The following ATP8B4 variants were observed in gnomAD, a reference collection of about 807,000 sequenced individuals.
ATP8B4 encodes the protein ATPase phospholipid transporting 8B4 (putative).
ATP8B4 carries 133 observed loss-of-function variants against 145.6 expected under a neutral mutation model. That is an observed-to-expected ratio of 0.91 (90% CI 0.79 to 1.05). ATP8B4 has a LOEUF of 1.05. ATP8B4 is among the 50% of genes least tolerant of loss of function. The probability of loss-of-function intolerance (pLI) is 0.00; values close to 1 mark genes in which losing one functional copy is unlikely to be tolerated. For missense variants in ATP8B4, 1,458 were observed against 1,425.2 expected (o/e 1.02, Z -0.37); for synonymous variants, 507 against 492.9 (o/e 1.03, Z -0.38).
chr15:49,937,462 G>C (rs1418257153), intron 14 of ATP8B4, among the ~76,000 whole-genome samples: 3 of 152,154 alleles, frequency 2.0e-5, no homozygotes, highest in Admixed American at 6.6e-5. Flanking sequence ...GCCAGGACTA[G>C]GTAAGACAAG....
chr15:50,175,890 C>T (rs9745136), intron 1 of ATP8B4, among the ~76,000 whole-genome samples: 34,794 of 151,998 alleles, frequency 0.23, 4,531 homozygotes, highest in East Asian at 0.47. Flanking sequence ...AAAAAAGATA[C>T]TTGCACACGC....
chr15:50,130,247 T>A (rs908977062), intron 1 of ATP8B4, among the ~76,000 whole-genome samples: 5 of 152,188 alleles, frequency 3.3e-5, no homozygotes, highest in African/African-American at 1.2e-4. Flanking sequence ...TGGGCTCCCA[T>A]GATATGCTGC....
At chr15:50,081,067 C>T (rs1355421663) in intron 2 of ATP8B4, among the ~76,000 whole-genome samples, 1 of 149,702 alleles carries the variant, frequency 6.7e-6, no homozygotes, top group Admixed American at 6.7e-5. Context: ...GAGCCGAGAT[C>T]ACGCCACTGC....
At chr15:50,036,654 A>G (rs2050861322) in intron 6 of ATP8B4, among the ~76,000 whole-genome samples, 1 of 152,236 alleles carries the variant, frequency 6.6e-6, no homozygotes. Context: ...CCCGTCTTGT[A>G]GGTTGCCCTC....
chr15:50,071,766 G>A (rs2053752992), intron 3 of ATP8B4, among the ~76,000 whole-genome samples: 1 of 152,144 alleles, frequency 6.6e-6, no homozygotes, highest in Non-Finnish European at 1.5e-5. Context: ...CCCTCTCCCA[G>A]GCTAAGAAGC....
intron 3 of ATP8B4, among the ~76,000 whole-genome samples, chr15:50,052,456 C>T (rs1262784139): frequency 6.6e-6 from 1 of 152,216 alleles, no homozygotes; most frequent in East Asian, 1.9e-4. Context: ...GGCAGGGTCC[C>T]ACATAGTGGG....
In ATP8B4 at chr15:50,023,779, CAAAAAAAA is replaced by C. The variant is rs60030651; in HGVS notation, c.363-12870_363-12863del. Among the ~76,000 whole-genome samples, 183 of 75,072 alleles carry C rather than the reference CAAAAAAAA, an allele frequency of 2.4e-3. 2 individuals are homozygous for C. The highest frequency in any genetic ancestry group is 9.6e-3 in the African/African-American group (178 of 18,540). The allele number at this position is 75,072 out of a possible 152,430, so 49.3% of individuals were successfully genotyped here. Reference sequence around the variant, plus strand: ...ACCCACAAAAAATTGAGACCAAAGGCAAAAAAAAAAAAAAAAAGAAAAAAAAGAAAAAA... The same window carrying C: ...ACCCACAAAAAATTGAGACCAAAGGCAAAAAAAAAGAAAAAAAAGAAAAAA... On this transcript the variant is annotated intron_variant, in intron 6 of 27. Transcript: ENST00000284509.
In ATP8B4 at chr15:49,918,890, T is replaced by C. The variant is rs754629738; in HGVS notation, c.1984A>G (p.Ser662Gly). 1 of 1,613,816 alleles carries C rather than the reference T, an allele frequency of 6.2e-7. No homozygotes were observed. The highest frequency in any genetic ancestry group is 8.5e-7 in the Non-Finnish European group (1 of 1,179,790). The change falls in exon 19 of 28, where the codon AGT (serine) becomes GGT (glycine). Residue 662 changes from serine (S) to glycine (G), a missense_variant. Transcript: ENST00000284509. ...ATCTTAATATTGGCTAGTGATAAAC[T>C]TGTAACTGTTTCAATAACACCCTCC... Reference protein sequence around the residue: ...LQEGVIETVTSLSLANIKIWV... With the variant: ...LQEGVIETVTGLSLANIKIWV...
chr15:50,149,370 C>T (rs7169337), intron 1 of ATP8B4, among the ~76,000 whole-genome samples: 2,557 of 152,292 alleles, frequency 0.017, 64 homozygotes, highest in African/African-American at 0.06. Context: ...CTGCTGACCT[C>T]TCTTCCTCTT....
Position 49,987,558 on chromosome 15 carries a change from T to TA in ATP8B4, c.590-10dup, listed in dbSNP as rs533789160. The TA allele has an allele frequency of 2.9e-5, 46 of 1,608,402 alleles. No homozygotes were observed. In the South Asian group the frequency reaches 4.0e-4, roughly 14 times the overall value. On this transcript the variant is annotated splice_polypyrimidine_tract_variant and intron_variant, in intron 9 of 27. Coordinates refer to ENST00000284509, the MANE Select transcript of ATP8B4 (RefSeq NM_024837.4). ...CTCACAGACAACAATCCCTGGAAAA[T>TA]AAAAAAACAAAACAAACCTCTTTAT...
intron 13 of ATP8B4, among the ~76,000 whole-genome samples, chr15:49,966,098 C>G (rs62020968): frequency 0.22 from 33,404 of 152,188 alleles, 4,834 homozygotes; most frequent in Non-Finnish European, 0.31. Flanking sequence ...CCAGATACTA[C>G]GCTTTTCCCA....
At chr15:49,872,836 A>G (rs1461996284) in intron 25 of ATP8B4, among the ~76,000 whole-genome samples, 1 of 152,148 alleles carries the variant, frequency 6.6e-6, no homozygotes, top group African/African-American at 2.4e-5. Context: ...TAATTAATGG[A>G]AAAACTGGAG....
At chr15:49,862,446 G>T in intron 26 of ATP8B4, 71 bp from the exon 27 acceptor site, 2 of 1,492,408 alleles carry the variant, frequency 1.3e-6, no homozygotes, top group South Asian at 2.5e-5. Flanking sequence ...TAGGTTCTTT[G>T]TTCCTACAAG....
At chr15:49,924,756 T>C (rs1411037836) in intron 16 of ATP8B4, among the ~76,000 whole-genome samples, 2 of 152,198 alleles carry the variant, frequency 1.3e-5, no homozygotes, top group Admixed American at 6.5e-5. Context: ...CTTGGTTAGC[T>C]TGCCTAATTG....
At chr15:49,937,585 G>A (rs2041838913) in intron 14 of ATP8B4, among the ~76,000 whole-genome samples, 1 of 151,834 alleles carries the variant, frequency 6.6e-6, no homozygotes, top group Non-Finnish European at 1.5e-5. Flanking sequence ...TAGGTGATAG[G>A]GATTCAGAAA....
intron 7 of ATP8B4, among the ~76,000 whole-genome samples, chr15:50,008,683 C>T (rs1161054936): frequency 1.3e-5 from 2 of 152,068 alleles, no homozygotes; most frequent in Non-Finnish European, 2.9e-5. Flanking sequence ...CCAATTGGAG[C>T]CTAGATCTGC....
At chr15:50,046,761 T>C (rs1480054559) in intron 4 of ATP8B4, among the ~76,000 whole-genome samples, 1 of 152,242 alleles carries the variant, frequency 6.6e-6, no homozygotes, top group Non-Finnish European at 1.5e-5. Context: ...CCTTGATTCA[T>C]ATGTTTTTCC....
intron 25 of ATP8B4, among the ~76,000 whole-genome samples, chr15:49,871,703 C>T (rs1452483181): frequency 6.6e-6 from 1 of 152,168 alleles, no homozygotes; most frequent in Non-Finnish European, 1.5e-5. Flanking sequence ...ATTCTTTAGC[C>T]CTGTGGTTTC....
At chr15:50,006,283 T>G (rs773560971) in intron 7 of ATP8B4, among the ~76,000 whole-genome samples, 1 of 119,390 alleles carries the variant, frequency 8.4e-6, no homozygotes, top group Non-Finnish European at 1.6e-5. Flanking sequence ...GTTCCTCTAG[T>G]CAAAAAAAAA....
Sources: allele counts gnomAD v4.1 joint callset (sites outside exome capture counted in the v4.1 genomes callset), GRCh38; gene constraint gnomAD v4.1.1; transcripts MANE v1.5; gene names NCBI Gene and HGNC (gene_info 2026-07-23, HGNC 2026-07-21).